Variants in EPS15 observed in about 807,000 individuals in gnomAD.
EPS15 encodes the protein epidermal growth factor receptor pathway substrate 15.
A neutral mutation model predicts 113.8 loss-of-function variants in EPS15; 72 were observed. That is an observed-to-expected ratio of 0.63 (90% CI 0.52 to 0.77). The LOEUF (loss-of-function observed/expected upper bound fraction) is 0.77, where lower values mean the gene tolerates loss of function less well. Among genes scored for constraint, EPS15 ranks in the 30% least tolerant of loss-of-function variants. EPS15 has a pLI of 0.00. For synonymous variants in EPS15, 344 were observed against 363.4 expected (o/e 0.95, Z 0.61); for missense variants, 1,048 against 1,045.8 (o/e 1.00, Z -0.03).
Position 51,405,913 on chromosome 1 carries a change from C to G in EPS15, c.1669G>C (p.Glu557Gln), listed in dbSNP as rs762892393. 3 of 1,613,762 alleles carry G rather than the reference C, an allele frequency of 1.9e-6. No individual in the cohort carries two copies. Among genetic ancestry groups the G allele is most frequent in the African/African-American group, 1.3e-5 (1 of 74,882 alleles). Residue 557 changes from glutamate to glutamine, a missense_variant, in exon 16 of 25, where the codon GAA becomes CAA. By Grantham distance (29) the Glu-to-Gln change is conservative (BLOSUM62 2). Coordinates refer to ENST00000371733, the MANE Select transcript of EPS15 (RefSeq NM_001981.3). ...GAAAGTATTAGACTCACTGGAGATT[C>G]CTGGTGTATGGGCTCAGACTCTAGG... ...SNLESEPIHQ[E>Q]SPARSSPELL...
At chr1:51,512,843 C>CTTTTT (rs59750666) in intron 1 of EPS15, among the ~76,000 whole-genome samples, 3 of 118,716 alleles carry the variant, frequency 2.5e-5, no homozygotes, top group African/African-American at 3.4e-5. Context: ...TGAGCAATAT[C>CTTTTT]TTTTTTTTTT....
chr1:51,413,419 A>C (rs1649925926), intron 13 of EPS15, among the ~76,000 whole-genome samples: 1 of 152,212 alleles, frequency 6.6e-6, no homozygotes, highest in South Asian at 2.1e-4. Context: ...TGCCTAGCAC[A>C]TTCCAGGGGC....
intron 24 of EPS15, 146 bp downstream of exon 24, chr1:51,361,025 G>C (rs1646372616): frequency 1.6e-5 from 10 of 639,242 alleles, no homozygotes; most frequent in East Asian, 2.7e-5. Flanking sequence ...GGATCAAACA[G>C]AGGTTTTGCT....
Position 51,414,398 on chromosome 1 carries a change from A to C in EPS15, c.1114-4702T>G, listed in dbSNP as rs528797857. Reference sequence around the variant, plus strand: ...GCCACTGCACTCCAGCCTGGGCAACAAGAGTGAAACTCCATCTCAAAAAAA... The same window carrying C: ...GCCACTGCACTCCAGCCTGGGCAACCAGAGTGAAACTCCATCTCAAAAAAA... On this transcript the variant is annotated intron_variant, in intron 13 of 24. Coordinates refer to ENST00000371733, the MANE Select transcript of EPS15 (RefSeq NM_001981.3). Among the ~76,000 whole-genome samples, 372 of 152,186 alleles carry C rather than the reference A, an allele frequency of 2.4e-3. 3 individuals are homozygous for C. The highest frequency in any genetic ancestry group is 3.6e-3 in the Non-Finnish European group (247 of 68,000).
chr1:51,519,174 C>T, intron 1 of EPS15, 25 bp downstream of exon 1: 1 of 1,436,960 alleles, frequency 7.0e-7, no homozygotes, highest in Non-Finnish European at 9.2e-7. Flanking sequence ...CCGGCCAAGC[C>T]CGGCGGACGG....
chr1:51,471,277 G>A (rs1655216325), intron 4 of EPS15, among the ~76,000 whole-genome samples: 1 of 152,014 alleles, frequency 6.6e-6, no homozygotes, highest in Non-Finnish European at 1.5e-5. Flanking sequence ...TCATTTTTTG[G>A]TTTATATATC....
intron 9 of EPS15, 127 bp downstream of exon 9, chr1:51,447,918 CA>C: frequency 5.9e-6 from 8 of 1,359,862 alleles, no homozygotes; most frequent in Non-Finnish European, 7.7e-6. Flanking sequence ...AATCCTTTAA[CA>C]CTGATAAATC....
intron 8 of EPS15, among the ~76,000 whole-genome samples, chr1:51,458,884 C>T (rs766601298): frequency 1.6e-4 from 24 of 152,142 alleles, no homozygotes; most frequent in South Asian, 2.1e-4. Context: ...ATATCATCAC[C>T]GAAATCTCTT....
intron 1 of EPS15, among the ~76,000 whole-genome samples, chr1:51,498,869 G>A (rs1333884957): frequency 6.6e-6 from 1 of 152,144 alleles, no homozygotes; most frequent in Non-Finnish European, 1.5e-5. Flanking sequence ...AATCTCCAAT[G>A]CAATAGTATT....
intron 21 of EPS15, among the ~76,000 whole-genome samples, chr1:51,381,030 A>C (rs1646928761): frequency 6.6e-6 from 1 of 152,212 alleles, no homozygotes; most frequent in South Asian, 2.1e-4. Flanking sequence ...CTTCTTCAAT[A>C]TATACATTAA....
chr1:51,481,293 A>G lies in EPS15; in HGVS notation c.55T>C (p.Tyr19His). ...CTTACCTGTCTATAGTATTTTTCAT[A>G]TACAGGATTCCCACTTGATAACTGA... ...LTQLSSGNPV[Y>H]EKYYRQVDTG... is the part of the protein sequence containing the mutation. Residue 19 changes from tyrosine (Y) to histidine (H), a missense_variant, in exon 2 of 25, where the codon TAT becomes CAT. Tyr to His is a moderately conservative substitution (Grantham distance 83). Transcript: ENST00000371733. The G allele has an allele frequency of 7.3e-7, 1 of 1,375,454 alleles. No homozygotes were observed. The highest frequency in any genetic ancestry group is 1.0e-6 in the Non-Finnish European group (1 of 966,496). 85.2% of individuals were successfully genotyped at this position (1,375,454 alleles called of 1,614,324 possible).
chr1:51,440,473 T>C lies in EPS15; in HGVS notation c.955-41A>G, dbSNP rs1302221485. ...TCACAATTATACATTACTATAAAAT[T>C]AGGTAATATAAGACAAAACACTAAA... On this transcript the variant is annotated intron_variant, in intron 11 of 24. Transcript: ENST00000371733. 3 of 970,544 alleles carry C rather than the reference T, an allele frequency of 3.1e-6. No homozygotes were observed. In the African/African-American group the frequency reaches 4.8e-5, roughly 16 times the overall value. The allele number at this position is 970,544 out of a possible 1,614,324, so 60.1% of individuals were successfully genotyped here.
At chr1:51,445,763 C>T (rs1298803482) in intron 10 of EPS15, among the ~76,000 whole-genome samples, 1 of 152,088 alleles carries the variant, frequency 6.6e-6, no homozygotes, top group Non-Finnish European at 1.5e-5. Flanking sequence ...TCTTAAATTC[C>T]AGCTTTTCTA....
chr1:51,448,526 T>C (rs1254154804), intron 8 of EPS15, among the ~76,000 whole-genome samples: 2 of 152,024 alleles, frequency 1.3e-5, no homozygotes, highest in African/African-American at 2.4e-5. Flanking sequence ...TGAAGAGATA[T>C]TTTACAGACA....
intron 20 of EPS15, among the ~76,000 whole-genome samples, chr1:51,397,804 A>ATTTT (rs1325270624): frequency 2.6e-5 from 4 of 152,218 alleles, no homozygotes; most frequent in Non-Finnish European, 5.9e-5. Flanking sequence ...TTAATCTAAT[A>ATTTT]GTACTAGAAG....
chr1:51,503,431 T>C (rs1570441579), intron 1 of EPS15, among the ~76,000 whole-genome samples: 2 of 151,876 alleles, frequency 1.3e-5, no homozygotes, highest in African/African-American at 2.4e-5. Context: ...AAGTCGGGAG[T>C]TTGAGACCAG....
At chr1:51,465,457 A>C (rs1057088039) in intron 5 of EPS15, 131 bp from the exon 6 acceptor site, 5 of 532,396 alleles carry the variant, frequency 9.4e-6, no homozygotes, top group African/African-American at 5.8e-5. Flanking sequence ...ACACTATTTT[A>C]CATTTACTAG....
intron 12 of EPS15, among the ~76,000 whole-genome samples, chr1:51,434,433 T>TA (rs1459717456): frequency 6.6e-6 from 1 of 152,072 alleles, no homozygotes; most frequent in Non-Finnish European, 1.5e-5. Context: ...CTGAGTGAAA[T>TA]AAGATAGTCA....
At chr1:51,446,495 C>T (rs1653063710) in intron 10 of EPS15, among the ~76,000 whole-genome samples, 1 of 149,602 alleles carries the variant, frequency 6.7e-6, no homozygotes, top group Non-Finnish European at 1.5e-5. Flanking sequence ...TTCTTGTTGC[C>T]CAGGCTGGAG....
Sources: gnomAD v4.1 joint callset for allele counts (sites outside exome capture counted in the v4.1 genomes callset) on GRCh38, gnomAD v4.1.1 for gene constraint, MANE v1.5 for transcripts, NCBI Gene and HGNC (gene_info 2026-07-23, HGNC 2026-07-21) for gene names.